Variants in PRIM2 observed in about 807,000 individuals in gnomAD.
The protein encoded by PRIM2 is DNA primase subunit 2.
PRIM2 carries 39 observed loss-of-function variants against 67.3 expected under a neutral mutation model. That is an observed-to-expected ratio of 0.58 (90% CI 0.45 to 0.76). PRIM2 has a LOEUF of 0.76. Ranked by LOEUF, PRIM2 falls within the 30% of genes least tolerant of loss-of-function variation. PRIM2 has a pLI of 0.00. For synonymous variants in PRIM2, 143 were observed against 198.7 expected (o/e 0.72, Z 2.36); for missense variants, 398 against 598.7 (o/e 0.66, Z 3.50).
At chr6:57,278,067 C>A in the PRIM2 span, among the ~76,000 whole-genome samples, 1 of 151,982 alleles carries the variant, frequency 6.6e-6, no homozygotes, top group Non-Finnish European at 1.5e-5. Flanking sequence ...TAGCTCATGC[C>A]TATAATCCCA....
chr6:57,418,807 T>C (rs1329952886), intron 7 of PRIM2, among the ~76,000 whole-genome samples: 2 of 152,188 alleles, frequency 1.3e-5, no homozygotes, highest in Non-Finnish European at 2.9e-5. Context: ...CATGTTTTAC[T>C]TTTGTCATGC....
intron 7 of PRIM2, among the ~76,000 whole-genome samples, chr6:57,492,105 G>A (rs1229541190): frequency 6.6e-6 from 1 of 152,074 alleles, no homozygotes; most frequent in Admixed American, 6.6e-5. Context: ...AGGTTGTCCG[G>A]GGACCCTTCC....
chr6:57,458,844 G>T (rs1279408859), intron 7 of PRIM2, among the ~76,000 whole-genome samples: 2 of 152,264 alleles, frequency 1.3e-5, no homozygotes, highest in East Asian at 3.9e-4. Context: ...AATTGTATGG[G>T]AGGAATTATG....
chr6:57,546,577 T>C (rs1373610531), intron 10 of PRIM2, among the ~76,000 whole-genome samples: 1 of 152,134 alleles, frequency 6.6e-6, no homozygotes, highest in African/African-American at 2.4e-5. Flanking sequence ...AATTTTACAG[T>C]AATAATTCTT....
At chr6:57,554,503 G>A (rs1775470434) in intron 10 of PRIM2, among the ~76,000 whole-genome samples, 1 of 151,640 alleles carries the variant, frequency 6.6e-6, no homozygotes, top group Non-Finnish European at 1.5e-5. Context: ...AATCCTTTCT[G>A]TTTATCACAG....
intron 10 of PRIM2, among the ~76,000 whole-genome samples, chr6:57,597,468 C>A (rs1776386936): frequency 6.6e-6 from 1 of 151,690 alleles, no homozygotes; most frequent in Admixed American, 6.6e-5. Flanking sequence ...TAAACTAGGA[C>A]ACCAAATATT....
intron 5 of PRIM2, among the ~76,000 whole-genome samples, chr6:57,333,831 AAT>A (rs1768135602): frequency 6.6e-6 from 1 of 152,186 alleles, no homozygotes. Context: ...TGTAAAATAT[AAT>A]GTTTTGAAGG....
chr6:57,366,476 G>A (rs1769361443), intron 5 of PRIM2, among the ~76,000 whole-genome samples: 1 of 152,082 alleles, frequency 6.6e-6, no homozygotes, highest in Non-Finnish European at 1.5e-5. Flanking sequence ...GAGGGTAGGG[G>A]TGATGCGTTG....
chr6:57,587,284 C>A (rs1392270133), intron 10 of PRIM2, among the ~76,000 whole-genome samples: 3 of 152,116 alleles, frequency 2.0e-5, no homozygotes, highest in Non-Finnish European at 4.4e-5. Flanking sequence ...CTTAGTAAAT[C>A]GTTGGGGCAT....
chr6:57,329,973 G>T (rs1002350973), intron 5 of PRIM2, among the ~76,000 whole-genome samples: 1 of 152,050 alleles, frequency 6.6e-6, no homozygotes, highest in Non-Finnish European at 1.5e-5. Flanking sequence ...TTTTAAGATT[G>T]TTTTGGCTGC....
At chr6:57,605,634 A>G (rs1392806782) in intron 11 of PRIM2, among the ~76,000 whole-genome samples, 1 of 152,192 alleles carries the variant, frequency 6.6e-6, no homozygotes, top group East Asian at 1.9e-4. Flanking sequence ...TAAATTTTTA[A>G]TAAGCATTTT....
chr6:57,299,486 G>GGAATT, the PRIM2 span, among the ~76,000 whole-genome samples: 1 of 152,122 alleles, frequency 6.6e-6, no homozygotes, highest in Non-Finnish European at 1.5e-5. Context: ...TCAGCATTTA[G>GGAATT]GAATTGTCCT....
chr6:57,412,892 A>G (rs1303583289), intron 7 of PRIM2, among the ~76,000 whole-genome samples: 5 of 152,180 alleles, frequency 3.3e-5, no homozygotes, highest in Non-Finnish European at 7.4e-5. Context: ...AAATAATTTC[A>G]TTACGTTACT....
the PRIM2 span, among the ~76,000 whole-genome samples, chr6:57,301,787 A>C: frequency 6.6e-6 from 1 of 152,170 alleles, no homozygotes; most frequent in Admixed American, 6.6e-5. Flanking sequence ...GTTCTACTGC[A>C]CTCTAGCCTG....
intron 5 of PRIM2, among the ~76,000 whole-genome samples, chr6:57,362,595 C>T (rs1769237892): frequency 6.6e-6 from 1 of 151,998 alleles, no homozygotes; most frequent in Non-Finnish European, 1.5e-5. Context: ...CAAGATGCTG[C>T]ATGATTTAGA....
chr6:57,507,734 CAAAT>C (rs1322160261), intron 8 of PRIM2, among the ~76,000 whole-genome samples: 2 of 151,958 alleles, frequency 1.3e-5, no homozygotes, highest in Non-Finnish European at 2.9e-5. Flanking sequence ...AGAAAGATCT[CAAAT>C]GAATGAGCTA....
intron 5 of PRIM2, among the ~76,000 whole-genome samples, chr6:57,336,978 A>G (rs2127288932): frequency 6.6e-6 from 1 of 152,286 alleles, no homozygotes; most frequent in Non-Finnish European, 1.5e-5. Context: ...TCACGTGCAG[A>G]GACACACATA....
chr6:57,642,433 A>ACCTTTTTTTTTTTTTTTTTTTTTTT (rs1444848326), intron 13 of PRIM2, among the ~76,000 whole-genome samples: 1 of 107,060 alleles, frequency 9.3e-6, no homozygotes, highest in African/African-American at 3.6e-5. Flanking sequence ...TAAATATTAT[A>ACCTTTTTTTTTTTTTTTTTTTTTTT]TCTTTTTTTT....
chr6:57,485,411 CT>C (rs1773730423), intron 7 of PRIM2, among the ~76,000 whole-genome samples: 1 of 152,084 alleles, frequency 6.6e-6, no homozygotes, highest in Admixed American at 6.5e-5. Context: ...GGTTTCTATT[CT>C]TTGTCCATGT....
Sources: gnomAD v4.1 joint callset for allele counts (sites outside exome capture counted in the v4.1 genomes callset) on GRCh38, gnomAD v4.1.1 for gene constraint, MANE v1.5 for transcripts, NCBI Gene and HGNC (gene_info 2026-07-23, HGNC 2026-07-21) for gene names.